C3AR1: variants seen among roughly 807,000 people sequenced by gnomAD.
C3AR1 encodes complement C3a receptor 1.
For synonymous variants in C3AR1, 208 were observed against 225.3 expected (o/e 0.92, Z 0.69); for missense variants, 579 against 583.5 (o/e 0.99, Z 0.08).
rs764043109 is a variant in C3AR1 at position 8,066,357 on chromosome 12, A to G, written c.-90T>C. The G allele has an allele frequency of 1.3e-5, 2 of 152,410 alleles. No homozygotes were observed. Among genetic ancestry groups the G allele is most frequent in the Non-Finnish European group, 2.9e-5 (2 of 68,052 alleles). The allele number at this position is 152,410 out of a possible 1,614,324, so 9.4% of individuals were successfully genotyped here. ...CTGTCTGGTCCCCACACTTAGCCAC[A>G]GTGAAGTCATGAAGTATGGCAAGAA... On this transcript the variant is annotated 5_prime_UTR_variant, in exon 1 of 2. Transcript: ENST00000307637.
chr12:8,059,295 GAACAGCTTTA>G lies in C3AR1; in HGVS notation c.881_890del (p.Leu294SerfsTer24). On this transcript the variant is annotated frameshift_variant, in exon 2 of 2. Coordinates refer to ENST00000307637, the MANE Select transcript of C3AR1 (RefSeq NM_004054.4). LOFTEE classifies it low-confidence loss of function (END_TRUNC). ...AGAAGGAATTGCTAGAAGCGCTAGG[GAACAGCTTTA>G]AATGAGTAGAGAGAAAAGCATCAGA... 6.2e-7 allele frequency: 1 copy of G among 1,614,170 alleles called. No individual in the cohort carries two copies. Among genetic ancestry groups the G allele is most frequent in the Non-Finnish European group, 8.5e-7 (1 of 1,180,018 alleles).
At position 8,058,685 on chromosome 12, in the gene C3AR1, C is replaced by T. The variant is rs1947222123; in HGVS notation, c.*52G>A. Reference sequence around the variant, plus strand: ...CCATATCACTTCATCCTCTTATAAACTTTCACTATGTGATTGCCTAAGAGC... The same window carrying T: ...CCATATCACTTCATCCTCTTATAAATTTTCACTATGTGATTGCCTAAGAGC... On this transcript the variant is annotated 3_prime_UTR_variant, in exon 2 of 2. Transcript: ENST00000307637. 19 of 1,540,152 alleles carry T rather than the reference C, an allele frequency of 1.2e-5. No homozygotes were observed. The highest frequency in any genetic ancestry group is 1.6e-5 in the Non-Finnish European group (18 of 1,144,810).
chr12:8,060,489 A>G (rs7968345), intron 1 of C3AR1, among the ~76,000 whole-genome samples: 136,345 of 152,270 alleles, frequency 0.9, 61,112 homozygotes, highest in East Asian at 1. Flanking sequence ...CCGCCTCCCG[A>G]GTTCAAGCGA....
chr12:8,061,766 A>G (rs552217253), intron 1 of C3AR1, among the ~76,000 whole-genome samples: 24 of 152,084 alleles, frequency 1.6e-4, no homozygotes, highest in Non-Finnish European at 3.2e-4. Flanking sequence ...TGGCCCTAAC[A>G]AAAAAATTTT....
intron 1 of C3AR1, among the ~76,000 whole-genome samples, chr12:8,065,909 G>A (rs1217483302): frequency 6.6e-6 from 1 of 151,434 alleles, no homozygotes; most frequent in Non-Finnish European, 1.5e-5. Context: ...GTAGCAATAA[G>A]GAATGGGCAA....
In C3AR1 at chr12:8,057,229, ATT is replaced by A. The variant is rs962920863; in HGVS notation, c.*1506_*1507del. Among the ~76,000 whole-genome samples, 7 of 152,210 alleles carry A rather than the reference ATT, an allele frequency of 4.6e-5. No individual in the cohort carries two copies. The East Asian group carries it at 1.3e-3, about 29-fold the overall frequency. On this transcript the variant is annotated 3_prime_UTR_variant, in exon 2 of 2. Coordinates refer to ENST00000307637, the MANE Select transcript of C3AR1 (RefSeq NM_004054.4). ...TGAGAAGGTGGTAGGGAGTTAGGTA[ATT>A]TTGTTTTAAATGAAAAAGGGACAGA...
At position 8,059,910 on chromosome 12, in the gene C3AR1, C is replaced by T. The variant is rs754185116; in HGVS notation, c.276G>A (p.Arg92=). 5 of 1,614,066 alleles carry T rather than the reference C, an allele frequency of 3.1e-6. No homozygotes were observed. The highest frequency in any genetic ancestry group is 4.2e-6 in the Non-Finnish European group (5 of 1,180,056). Residue 92 remains arginine (R), a synonymous_variant, in exon 2 of 2, where the codon AGG becomes AGA. Coordinates refer to ENST00000307637, the MANE Select transcript of C3AR1 (RefSeq NM_004054.4). ...TGGAGGGGATGAGCTTGCATAGGAA[C>T]CTGCCGTAGGGCCACTGTCCCTGGA... ...LALQGQWPYG[R]FLCKLIPSII...
At chr12:8,063,968 A>T (rs1426546485) in intron 1 of C3AR1, among the ~76,000 whole-genome samples, 1 of 152,114 alleles carries the variant, frequency 6.6e-6, no homozygotes. Context: ...GCTACTTGGG[A>T]GGCTGAGGCA....
chr12:8,059,544 G>C lies in C3AR1; in HGVS notation c.642C>G (p.Ser214=), dbSNP rs1239860497. 1.2e-6 allele frequency: 2 copies of C among 1,614,064 alleles called. No homozygotes were observed. Among genetic ancestry groups the C allele is most frequent in the Non-Finnish European group, 1.7e-6 (2 of 1,180,016 alleles). Residue 214 remains serine (S), a synonymous_variant, in exon 2 of 2, where the codon TCC becomes TCG. Transcript: ENST00000307637. The stretch of plus-strand genomic sequence containing the variant: ...AAGGATGATCATTTGTTTGGAAAGA[G>C]GAAGGATCTAACCTATCATTCATTT... ...PGEMNDRLDP[S]SFQTNDHPWT...
At chr12:8,064,233 T>G (rs1336540083) in intron 1 of C3AR1, among the ~76,000 whole-genome samples, 1 of 151,688 alleles carries the variant, frequency 6.6e-6, no homozygotes, top group Non-Finnish European at 1.5e-5. Flanking sequence ...TTTAACTTTC[T>G]TTTTGTGAAA....
rs1435871949 is a variant in C3AR1, at chr12:8,059,687, C to T, written c.499G>A (p.Asp167Asn). Reference sequence around the variant, plus strand: ...TTGTAGCCACATCTATTATGGTTGTCTGTAGTGAAGATTTCCCGGTACACG... The same window carrying T: ...TTGTAGCCACATCTATTATGGTTGTTTGTAGTGAAGATTTCCCGGTACACG... ...VFVYREIFTTDNHNRCGYKFG... is the reference protein window; with the variant it reads ...VFVYREIFTTNNHNRCGYKFG... Residue 167 changes from aspartate to asparagine, a missense_variant, in exon 2 of 2, where the codon GAC becomes AAC. Asp to Asn is a conservative substitution (Grantham distance 23). Transcript: ENST00000307637. The T allele has an allele frequency of 6.2e-7, 1 of 1,614,186 alleles. No homozygotes were observed. Among genetic ancestry groups the T allele is most frequent in the Non-Finnish European group, 8.5e-7 (1 of 1,180,046 alleles).
intron 1 of C3AR1, among the ~76,000 whole-genome samples, chr12:8,064,558 A>G (rs998689835): frequency 4.0e-5 from 6 of 151,870 alleles, no homozygotes; most frequent in African/African-American, 1.5e-4. Flanking sequence ...GCATGGTGGC[A>G]CATGCCTGTA....
Position 8,059,268 on chromosome 12 carries a change from G to T in C3AR1, c.918C>A (p.Tyr306Ter). 6.2e-7 allele frequency: 1 copy of T among 1,614,150 alleles called. No individual in the cohort carries two copies. The highest frequency in any genetic ancestry group is 1.7e-5 in the Admixed American group (1 of 60,020). Residue 306 changes from tyrosine (Y) to a stop codon, truncating the protein, a stop_gained, in exon 2 of 2, where the codon TAC (tyrosine) becomes TAA (stop). Transcript: ENST00000307637. LOFTEE classifies it low-confidence loss of function (END_TRUNC). ...GGAAACCTTGTGGTAGCTCAGACTC[G>T]TAGAAGGAATTGCTAGAAGCGCTAG... ...LFPSASSNSF[Y>*]ESELPQGFQD...
rs1947252980 is a variant in C3AR1 at position 8,059,896 on chromosome 12, A to G, written c.290T>C (p.Leu97Pro). The G allele has an allele frequency of 2.5e-6, 4 of 1,614,184 alleles. No individual in the cohort carries two copies. The highest frequency in any genetic ancestry group is 1.7e-6 in the Non-Finnish European group (2 of 1,180,032). ...GTTGAGGACAATGATGGAGGGGATGAGCTTGCATAGGAACCTGCCGTAGGG... is the reference window on the plus strand; with the variant it reads ...GTTGAGGACAATGATGGAGGGGATGGGCTTGCATAGGAACCTGCCGTAGGG... ...QWPYGRFLCK[L>P]IPSIIVLNMF... The change falls in exon 2 of 2, where the codon CTC (leucine) becomes CCC (proline). Residue 97 changes from leucine (L) to proline (P), a missense_variant. Leu to Pro is a moderately conservative substitution (Grantham distance 98). Transcript: ENST00000307637.
rs768482291 is a variant in C3AR1 at position 8,058,742 on chromosome 12, C to G, written c.1444G>C (p.Val482Leu). The change falls in exon 2 of 2, where the codon GTG (valine) becomes CTG (leucine). Residue 482 changes from valine to leucine, a missense_variant. By Grantham distance (32) the Val-to-Leu change is conservative. Coordinates refer to ENST00000307637, the MANE Select transcript of C3AR1 (RefSeq NM_004054.4). ...TTGTTGGCTGCTCCACATTTTCACA[C>G]AGTTGTACTATTTCTTTCTGAAATG... Reference protein sequence around the residue: ...NVISERNSTTV With the variant: ...NVISERNSTTL The G allele has an allele frequency of 3.1e-6, 5 of 1,605,048 alleles. No individual in the cohort carries two copies.
In C3AR1 at chr12:8,066,277, C is replaced by T. The variant is rs1725661732; in HGVS notation, c.-11+1G>A. 6.6e-6 allele frequency: 1 copy of T among 152,242 alleles called. No homozygotes were observed. Among genetic ancestry groups the T allele is most frequent in the Non-Finnish European group, 1.5e-5 (1 of 68,016 alleles). 9.4% of individuals were successfully genotyped at this position (152,242 alleles called of 1,614,324 possible). ...CATCAGGTAGGTCTAGGTTTTCTTA[C>T]CAAAAAACTGAGACAGTAGCTGAAG... On this transcript the variant is annotated splice_donor_variant, in intron 1 of 1. Coordinates refer to ENST00000307637, the MANE Select transcript of C3AR1 (RefSeq NM_004054.4). LOFTEE classifies it low-confidence loss of function (5UTR_SPLICE).
In C3AR1 at chr12:8,059,476, G is replaced by C; in HGVS notation, c.710C>G (p.Pro237Arg). Reference sequence around the variant, plus strand: ...ACCCCTAGGGAGTGAATCTGCAGAAGGTCTTTGAAATGTTTGAGGTTGGAA... The same window carrying C: ...ACCCCTAGGGAGTGAATCTGCAGAACGTCTTTGAAATGTTTGAGGTTGGAA... ...TVFQPQTFQR[P>R]SADSLPRGSA... The change falls in exon 2 of 2, where the codon CCT (proline) becomes CGT (arginine). Residue 237 changes from proline to arginine, a missense_variant. Physicochemically the swap from Pro to Arg is moderately radical, Grantham distance 103. Transcript: ENST00000307637. 1.9e-6 allele frequency: 3 copies of C among 1,614,122 alleles called. No homozygotes were observed. The highest frequency in any genetic ancestry group is 2.2e-5 in the South Asian group (2 of 91,086).
intron 1 of C3AR1, 87 bp from the exon 2 acceptor site, chr12:8,060,282 A>C: frequency 9.1e-7 from 1 of 1,100,528 alleles, no homozygotes; most frequent in Non-Finnish European, 1.3e-6. Context: ...TTCCCACATA[A>C]AGATGTGGGA....
chr12:8,057,286 T>C lies in C3AR1; in HGVS notation c.*1451A>G, dbSNP rs1366399262. Among the ~76,000 whole-genome samples, 1 of 152,086 alleles carries C rather than the reference T, an allele frequency of 6.6e-6. No individual in the cohort carries two copies. Among genetic ancestry groups the C allele is most frequent in the East Asian group, 1.9e-4 (1 of 5,196 alleles). On this transcript the variant is annotated 3_prime_UTR_variant, in exon 2 of 2. Coordinates refer to ENST00000307637, the MANE Select transcript of C3AR1 (RefSeq NM_004054.4). ...AAGCTATATAAATGGTTGGAGTGTA[T>C]AGACAAAGTAGAAGAAAAATATGTG...
Sources: gnomAD v4.1 joint callset for allele counts (sites outside exome capture counted in the v4.1 genomes callset) on GRCh38, gnomAD v4.1.1 for gene constraint, MANE v1.5 for transcripts, NCBI Gene and HGNC (gene_info 2026-07-23, HGNC 2026-07-21) for gene names.